FIP1L1: variants seen among roughly 807,000 people sequenced by gnomAD.
The protein encoded by FIP1L1 is factor interacting with PAPOLA and CPSF1.
A neutral mutation model predicts 84.6 loss-of-function variants in FIP1L1; 21 were observed. The observed-to-expected ratio is 0.25, with a 90% confidence interval of 0.18 to 0.36. The LOEUF is 0.36. FIP1L1 is among the 10% of genes least tolerant of loss of function. The probability of loss-of-function intolerance (pLI) is 1.00; values close to 1 mark genes in which losing one functional copy is unlikely to be tolerated. For synonymous variants in FIP1L1, 263 were observed against 242.3 expected (o/e 1.09, Z -0.80); for missense variants, 526 against 751.1 (o/e 0.70, Z 3.50).
chr4:53,417,707 C>G (rs988921167), intron 11 of FIP1L1, among the ~76,000 whole-genome samples: 1 of 128,678 alleles, frequency 7.8e-6, no homozygotes, highest in Admixed American at 7.8e-5. Flanking sequence ...ATAAAAGCTA[C>G]TTTTTCTCTT....
chr4:53,452,519 A>G (rs1324617057), intron 15 of FIP1L1, among the ~76,000 whole-genome samples: 1 of 152,134 alleles, frequency 6.6e-6, no homozygotes, highest in Non-Finnish European at 1.5e-5. Flanking sequence ...GGGTTTCACC[A>G]TGTTGACCAG....
chr4:53,418,498 T>TA (rs1332751367), intron 11 of FIP1L1, among the ~76,000 whole-genome samples: 3 of 152,228 alleles, frequency 2.0e-5, no homozygotes, highest in South Asian at 4.1e-4. Context: ...GTTTGCTTTA[T>TA]AAAATCAAAT....
intron 11 of FIP1L1, among the ~76,000 whole-genome samples, chr4:53,419,851 G>A (rs1360671903): frequency 6.6e-6 from 1 of 152,120 alleles, no homozygotes; most frequent in African/African-American, 2.4e-5. Context: ...AATGGCTCAC[G>A]CCTATAATCC....
At chr4:53,421,369 G>C (rs1219840332) in intron 11 of FIP1L1, among the ~76,000 whole-genome samples, 7 of 152,094 alleles carry the variant, frequency 4.6e-5, no homozygotes, top group Non-Finnish European at 8.8e-5. Flanking sequence ...TATTTGCCAC[G>C]TAGAAATTGT....
intron 9 of FIP1L1, among the ~76,000 whole-genome samples, chr4:53,393,543 G>GT (rs966150753): frequency 6.7e-6 from 1 of 150,064 alleles, no homozygotes; most frequent in Admixed American, 6.6e-5. Flanking sequence ...TATGAATAAA[G>GT]TTTTTTTAAA....
In FIP1L1 at chr4:53,442,699, A is replaced by G; in HGVS notation, c.1221A>G (p.Thr407=). The change falls in exon 14 of 18, where the codon ACA becomes ACG. Residue 407 remains threonine, a synonymous_variant. Coordinates refer to ENST00000337488, the MANE Select transcript of FIP1L1 (RefSeq NM_030917.4). ...PGAPPPSLIP[T]IESGHSSGYD... is the part of the protein sequence containing the mutation. ...CTCCACCTCCATCTCTTATACCAAC[A>G]ATAGAAAGGTAAATCAGTATGGATA... The G allele has an allele frequency of 6.3e-7, 1 of 1,594,644 alleles. No homozygotes were observed. The highest frequency in any genetic ancestry group is 8.6e-7 in the Non-Finnish European group (1 of 1,162,826).
intron 3 of FIP1L1, among the ~76,000 whole-genome samples, chr4:53,380,941 A>G (rs1737526376): frequency 6.6e-6 from 1 of 152,182 alleles, no homozygotes; most frequent in Non-Finnish European, 1.5e-5. Flanking sequence ...TTAAAAGCTT[A>G]CTTTCTAATC....
rs549104944 is a variant in FIP1L1, at chr4:53,443,964, G to A, written c.1230-84G>A. 1.1e-4 allele frequency: 85 copies of A among 803,874 alleles called. No individual in the cohort carries two copies. The African/African-American group carries it at 1.2e-3, about 12-fold the overall frequency. 49.8% of individuals were successfully genotyped at this position (803,874 alleles called of 1,614,324 possible). On this transcript the variant is annotated intron_variant, in intron 14 of 17. Coordinates refer to ENST00000337488, the MANE Select transcript of FIP1L1 (RefSeq NM_030917.4). ...GTGGTTGGATAAAAGTTGTAATTTT[G>A]CCTTGTTTTTCCTTTTGTACTACAT...
chr4:53,396,093 A>G (rs904865123), intron 9 of FIP1L1, among the ~76,000 whole-genome samples: 2 of 151,838 alleles, frequency 1.3e-5, no homozygotes, highest in African/African-American at 4.8e-5. Flanking sequence ...TGTTTTTTGT[A>G]TTTTTAGTAG....
intron 13 of FIP1L1, among the ~76,000 whole-genome samples, chr4:53,441,953 C>G (rs1772125506): frequency 6.6e-6 from 1 of 151,932 alleles, no homozygotes; most frequent in Admixed American, 6.6e-5. Flanking sequence ...TATAGCCTAT[C>G]TGAATTTGAA....
chr4:53,459,266 A>G (rs763369942), intron 17 of FIP1L1, 36 bp from the exon 18 acceptor site: 6 of 1,428,970 alleles, frequency 4.2e-6, no homozygotes, highest in Non-Finnish European at 4.7e-6. Flanking sequence ...GTGTATTTAA[A>G]CAGAACACAC....
intron 11 of FIP1L1, among the ~76,000 whole-genome samples, chr4:53,422,374 T>G (rs1762724101): frequency 6.6e-6 from 1 of 152,116 alleles, no homozygotes; most frequent in Non-Finnish European, 1.5e-5. Flanking sequence ...TACTTCTTAC[T>G]GTGTTTTGTA....
intron 14 of FIP1L1, among the ~76,000 whole-genome samples, chr4:53,442,976 G>A (rs1772638672): frequency 6.6e-6 from 1 of 152,050 alleles, no homozygotes; most frequent in Non-Finnish European, 1.5e-5. Flanking sequence ...CTCCTAGACT[G>A]TTAAAAACCC....
At position 53,459,432 on chromosome 4, in the gene FIP1L1, G is replaced by GCTA; in HGVS notation, c.1770_1772dup (p.Thr591dup). On this transcript the variant is annotated inframe_insertion, in exon 18 of 18. Transcript: ENST00000337488. ...TGCCCCTGAACAGGAGAGCACCGAA[G>GCTA]CTACACCTGCAGAATAGGCATGGTT... 1 of 1,612,768 alleles carries GCTA rather than the reference G, an allele frequency of 6.2e-7. No homozygotes were observed. The highest frequency in any genetic ancestry group is 8.5e-7 in the Non-Finnish European group (1 of 1,179,388).
chr4:53,392,274 T>G (rs1744647625), intron 9 of FIP1L1, among the ~76,000 whole-genome samples: 1 of 152,206 alleles, frequency 6.6e-6, no homozygotes, highest in Non-Finnish European at 1.5e-5. Flanking sequence ...TTAGATTGGG[T>G]TGTATACTCA....
chr4:53,396,528 C>A (rs187588634), intron 9 of FIP1L1, among the ~76,000 whole-genome samples: 1 of 152,246 alleles, frequency 6.6e-6, no homozygotes, highest in African/African-American at 2.4e-5. Context: ...GCCTCAGCCT[C>A]CCGAGTAGCT....
intron 13 of FIP1L1, chr4:53,440,694 G>T (rs1024754637): frequency 1.1e-6 from 1 of 931,914 alleles, no homozygotes; most frequent in South Asian, 1.4e-5. Context: ...GTGTTGATGC[G>T]GTTAGAATAT....
At chr4:53,382,461 C>T in intron 4 of FIP1L1, 126 bp downstream of exon 4, 1 of 672,244 alleles carries the variant, frequency 1.5e-6, no homozygotes, top group Non-Finnish European at 2.6e-6. Context: ...CCCTTTCTTA[C>T]ATCTCCTACT....
In FIP1L1 at chr4:53,444,061, G is replaced by T; in HGVS notation, c.1243G>T (p.Gly415Cys). 6.2e-7 allele frequency: 1 copy of T among 1,606,328 alleles called. No individual in the cohort carries two copies. The highest frequency in any genetic ancestry group is 1.1e-5 in the South Asian group (1 of 90,864). ...TTTCTTCAACAGTGGACATTCCTCTGGTTATGATAGTCGTTCTGCACGTGC... is the reference window on the plus strand; with the variant it reads ...TTTCTTCAACAGTGGACATTCCTCTTGTTATGATAGTCGTTCTGCACGTGC... ...IPTIESGHSS[G>C]YDSRSARAFP... The change falls in exon 15 of 18, where the codon GGT becomes TGT. Residue 415 changes from glycine to cysteine, a missense_variant. Coordinates refer to ENST00000337488, the MANE Select transcript of FIP1L1 (RefSeq NM_030917.4).
Sources: allele counts gnomAD v4.1 joint callset (sites outside exome capture counted in the v4.1 genomes callset), GRCh38; gene constraint gnomAD v4.1.1; transcripts MANE v1.5; gene names NCBI Gene and HGNC (gene_info 2026-07-23, HGNC 2026-07-21).